Variants in DPP6 observed in about 807,000 individuals in gnomAD.
DPP6 encodes dipeptidyl peptidase like 6, also known as A-type potassium channel modulatory protein DPP6.
In DPP6, 69 loss-of-function variants were observed where a neutral mutation model predicts 122.6. That is an observed-to-expected ratio of 0.56 (90% CI 0.46 to 0.69). DPP6 has a LOEUF of 0.69. Among genes scored for constraint, DPP6 ranks in the 30% least tolerant of loss-of-function variants. The pLI is 0.00. For synonymous variants in DPP6, 418 were observed against 433.1 expected, an observed-to-expected ratio of 0.97 and a Z score of 0.43; for missense variants, 928 against 1,116.9, an observed-to-expected ratio of 0.83 and a Z score of 2.41.
chr7:154,663,125 T>C (rs1346904800), intron 6 of DPP6, among the ~76,000 whole-genome samples: 1 of 72,298 alleles, frequency 1.4e-5, no homozygotes, highest in East Asian at 5.2e-4. Context: ...CATGGCATAT[T>C]GGCCGTAGTG....
intron 16 of DPP6, among the ~76,000 whole-genome samples, chr7:154,834,345 GC>G (rs1388938446): frequency 1.3e-5 from 2 of 151,694 alleles, no homozygotes; most frequent in African/African-American, 4.8e-5. Context: ...TTGTGGTGGT[GC>G]GTGCCTGTAA....
chr7:154,872,801 A>T (rs1804509183), intron 19 of DPP6, 108 bp downstream of exon 19: 1 of 1,530,978 alleles, frequency 6.5e-7, no homozygotes, highest in African/African-American at 1.4e-5. Context: ...GAGAAATGAC[A>T]TTGTTGCAAA....
chr7:154,666,060 C>G (rs1838130113), intron 6 of DPP6, among the ~76,000 whole-genome samples: 1 of 151,908 alleles, frequency 6.6e-6, no homozygotes, highest in Non-Finnish European at 1.5e-5. Context: ...GGTAATCAAT[C>G]TGGTTCCTGG....
intron 1 of DPP6, among the ~76,000 whole-genome samples, chr7:154,027,768 T>C (rs920330186): frequency 6.6e-6 from 1 of 151,854 alleles, no homozygotes; most frequent in African/African-American, 2.4e-5. Context: ...GTTTGTCCCT[T>C]CTTCCCCTTA....
chr7:154,320,532 G>A (rs1022740973), intron 1 of DPP6, among the ~76,000 whole-genome samples: 1 of 151,968 alleles, frequency 6.6e-6, no homozygotes, highest in Non-Finnish European at 1.5e-5. Flanking sequence ...TGCCCAGGTC[G>A]GAGTGCAGCA....
the DPP6 span, among the ~76,000 whole-genome samples, chr7:153,773,254 T>C: frequency 4.9e-5 from 7 of 142,644 alleles, no homozygotes; most frequent in South Asian, 9.0e-4. Flanking sequence ...AGACTGAAAC[T>C]CTTTTCTTTC....
chr7:154,220,767 A>G (rs1017965842), intron 1 of DPP6, among the ~76,000 whole-genome samples: 1 of 152,148 alleles, frequency 6.6e-6, no homozygotes, highest in African/African-American at 2.4e-5. Context: ...TGAATGGACT[A>G]AGACAACTCA....
At chr7:154,170,485 C>T (rs1285255908) in intron 1 of DPP6, among the ~76,000 whole-genome samples, 2 of 152,204 alleles carry the variant, frequency 1.3e-5, no homozygotes, top group African/African-American at 2.4e-5. Context: ...GTCACGACCT[C>T]GCCCAACCCT....
At chr7:153,943,391 G>T (rs904747870) in intron 1 of DPP6, among the ~76,000 whole-genome samples, 1 of 152,128 alleles carries the variant, frequency 6.6e-6, no homozygotes, top group Non-Finnish European at 1.5e-5. Context: ...GATCAATTCG[G>T]TACTTGAGTC....
intron 1 of DPP6, among the ~76,000 whole-genome samples, chr7:154,222,859 A>G (rs1048310089): frequency 8.1e-5 from 12 of 148,684 alleles, no homozygotes; most frequent in Admixed American, 6.0e-4. Context: ...TGGAACTCCA[A>G]TGGTGTGATT....
intron 7 of DPP6, among the ~76,000 whole-genome samples, 162 bp from the exon 8 acceptor site, chr7:154,727,605 C>T (rs1331219027): frequency 2.6e-5 from 4 of 152,224 alleles, no homozygotes; most frequent in East Asian, 1.9e-4. Context: ...ATATTCTGTT[C>T]GAGGTGGGTA....
chr7:154,412,819 G>T (rs1816722247), intron 1 of DPP6, among the ~76,000 whole-genome samples: 1 of 152,186 alleles, frequency 6.6e-6, no homozygotes, highest in East Asian at 1.9e-4. Context: ...CACACACTGT[G>T]GCAGGTGAGT....
chr7:154,669,532 A>C, intron 7 of DPP6, 91 bp downstream of exon 7: 1 of 1,435,220 alleles, frequency 7.0e-7, no homozygotes, highest in East Asian at 2.6e-5. Flanking sequence ...CAGCCTGTAC[A>C]TGGTGTTGTG....
intron 1 of DPP6, among the ~76,000 whole-genome samples, chr7:154,348,324 A>G (rs1440785623): frequency 6.6e-6 from 1 of 152,254 alleles, no homozygotes; most frequent in Non-Finnish European, 1.5e-5. Context: ...ATAGGCTTAC[A>G]AATAATTGGA....
In DPP6 at chr7:154,892,958, C is replaced by T. The variant is rs772052907; in HGVS notation, c.*478C>T. 4 of 518,756 alleles carry T rather than the reference C, an allele frequency of 7.7e-6. No individual in the cohort carries two copies. Among genetic ancestry groups the T allele is most frequent in the Admixed American group, 5.8e-5 (3 of 51,580 alleles). The allele number at this position is 518,756 out of a possible 1,614,324, so 32.1% of individuals were successfully genotyped here. A position where few individuals can be genotyped will look rare whatever the true frequency, so the allele number is the denominator to read the frequency against. ...CACCATTGTTTTAGCAGTGCGTGTT[C>T]ATATATGGGCTTGCTACTTCCTGTA... On this transcript the variant is annotated 3_prime_UTR_variant, in exon 26 of 26. Transcript: ENST00000377770.
chr7:154,706,401 AC>A (rs1402228701), intron 7 of DPP6, among the ~76,000 whole-genome samples: 1 of 151,934 alleles, frequency 6.6e-6, no homozygotes, highest in African/African-American at 2.4e-5. Flanking sequence ...CCCAGACAAG[AC>A]CCTCAGGGTG....
rs1276826913 is a variant in DPP6, at chr7:154,889,260, C to T, written c.2305-12C>T. 7.4e-6 allele frequency: 12 copies of T among 1,611,608 alleles called. No homozygotes were observed. The South Asian group carries it at 1.3e-4, about 18-fold the overall frequency. On this transcript the variant is annotated splice_polypyrimidine_tract_variant and intron_variant, in intron 23 of 25. Coordinates refer to ENST00000377770, the MANE Select transcript of DPP6 (RefSeq NM_130797.4). ...GCCCCCTAACTCTGTCCCCTTGCCC[C>T]CGCATGTGCAGATGACCAAGGTAGC...
chr7:153,800,705 C>T, the DPP6 span, among the ~76,000 whole-genome samples: 10 of 152,044 alleles, frequency 6.6e-5, no homozygotes, highest in East Asian at 1.9e-4. Context: ...TTAGTAGAGA[C>T]GGGGTTTCGC....
In DPP6 at chr7:154,318,370, C is replaced by T. The variant is rs1427069723; in HGVS notation, c.244-127844C>T. On this transcript the variant is annotated intron_variant, in intron 1 of 25. Coordinates refer to ENST00000377770, the MANE Select transcript of DPP6 (RefSeq NM_130797.4). ...ACATTATCCTGTAAAGAGGTATAATCGATTTAGAGATAATGAGAGTGACCT... is the reference window on the plus strand; with the variant it reads ...ACATTATCCTGTAAAGAGGTATAATTGATTTAGAGATAATGAGAGTGACCT... Among the ~76,000 whole-genome samples the T allele has an allele frequency of 5.9e-5, 9 of 152,218 alleles. No individual in the cohort carries two copies. In the South Asian group the frequency reaches 1.0e-3, roughly 18 times the overall value.
Sources: gnomAD v4.1 joint callset for allele counts (sites outside exome capture counted in the v4.1 genomes callset) on GRCh38, gnomAD v4.1.1 for gene constraint, MANE v1.5 for transcripts, NCBI Gene and HGNC (gene_info 2026-07-23, HGNC 2026-07-21) for gene names.